Variants in PCID2 observed in about 807,000 individuals in gnomAD.
PCID2 encodes PCI domain containing 2.
PCID2 carries 41 observed loss-of-function variants against 61.3 expected under a neutral mutation model. The observed-to-expected ratio is 0.67, with a 90% CI of 0.52 to 0.87. The LOEUF is 0.87. PCID2 is among the 40% of genes least tolerant of loss of function. PCID2 has a pLI of 0.00. For synonymous variants in PCID2, 187 were observed against 177.8 expected (o/e 1.05, Z -0.41); for missense variants, 392 against 493.4 (o/e 0.79, Z 1.95).
At chr13:113,169,670 C>A in the PCID2 span, among the ~76,000 whole-genome samples, 1 of 152,212 alleles carries the variant, frequency 6.6e-6, no homozygotes, top group African/African-American at 2.4e-5. Context: ...TGAAGTGAAA[C>A]CCTTCTATGC....
At position 113,190,934 on chromosome 13, in the gene PCID2, C is replaced by A. The variant is rs61743295; in HGVS notation, c.405G>T (p.Gly135=). The A allele has an allele frequency of 1.4e-3, 2,200 of 1,613,538 alleles. 30 individuals carry two copies. The African/African-American group carries it at 0.024, about 18-fold the overall frequency. The change falls in exon 7 of 14, where the codon GGG becomes GGT. Residue 135 remains glycine (G), a synonymous_variant. Coordinates refer to ENST00000337344, the MANE Select transcript of PCID2 (RefSeq NM_001127202.4). ...QLVKKGKSKV[G]DMLEKAAELL... ...ACTCTGCTGCTTTTTCCAACATGTC[C>A]CCAACTTTGCTTTTTCCTTTCTTTA...
chr13:113,200,310 T>G lies in PCID2; in HGVS notation c.126+117A>C, dbSNP rs141751233. On this transcript the variant is annotated intron_variant, in intron 2 of 13. Coordinates refer to ENST00000337344, the MANE Select transcript of PCID2 (RefSeq NM_001127202.4). Reference sequence around the variant, plus strand: ...ATAAATCATAAAGAAACTTTAAAATTTTCAAATAAGAGTGACAATATTAGT... The same window carrying G: ...ATAAATCATAAAGAAACTTTAAAATGTTCAAATAAGAGTGACAATATTAGT... 91 of 669,448 alleles carry G rather than the reference T, an allele frequency of 1.4e-4. No individual in the cohort carries two copies. The East Asian group carries it at 2.4e-3, about 18-fold the overall frequency. The allele number at this position is 669,448 out of a possible 1,614,324, so 41.5% of individuals were successfully genotyped here.
chr13:113,196,350 T>C (rs1411838004), intron 4 of PCID2, 128 bp from the exon 5 acceptor site: 9 of 664,492 alleles, frequency 1.4e-5, no homozygotes, highest in Middle Eastern at 3.7e-4. Context: ...GCAACAATAG[T>C]AAGTTCTTGA....
chr13:113,182,841 G>A (rs988027521), intron 9 of PCID2, among the ~76,000 whole-genome samples: 8 of 152,170 alleles, frequency 5.3e-5, no homozygotes, highest in African/African-American at 1.9e-4. Flanking sequence ...TGCTGTCTTT[G>A]AGGGAACCTA....
At position 113,177,806 on chromosome 13, in the gene PCID2, T is replaced by C. The variant is rs2037244400; in HGVS notation, c.*392A>G. On this transcript the variant is annotated 3_prime_UTR_variant, in exon 14 of 14. Coordinates refer to ENST00000337344, the MANE Select transcript of PCID2 (RefSeq NM_001127202.4). ...AAAAATAGATGTATCCTGGAAGATA[T>C]AATGAAGAACATGCCATGTGTATAA... is the stretch of plus-strand genomic sequence containing the variant. 6.4e-6 allele frequency: 1 copy of C among 156,668 alleles called. No individual in the cohort carries two copies. Among genetic ancestry groups the C allele is most frequent in the African/African-American group, 2.4e-5 (1 of 41,506 alleles). 9.7% of individuals were successfully genotyped at this position (156,668 alleles called of 1,614,324 possible).
At chr13:113,188,636 T>G (rs2038336118) in intron 7 of PCID2, 1 of 152,210 alleles carries the variant, frequency 6.6e-6, no homozygotes, top group Non-Finnish European at 1.5e-5. Flanking sequence ...CTCCCAGAAG[T>G]TCACCGTCCA....
chr13:113,171,610 C>A, the PCID2 span: 1 of 1,614,032 alleles, frequency 6.2e-7, no homozygotes, highest in African/African-American at 1.3e-5. The surrounding 1 kb of genome is among the most constrained non-coding windows in gnomAD (Gnocchi z 5.1). Flanking sequence ...ACAGAACGAG[C>A]CAAGACCCGC....
chr13:113,198,344 C>T, intron 2 of PCID2, 80 bp from the exon 3 acceptor site: 1 of 841,880 alleles, frequency 1.2e-6, no homozygotes, highest in South Asian at 1.6e-5. Context: ...AGATTTAAAC[C>T]TCTGTTTCAA....
At chr13:113,176,005 G>C (rs1390344476), downstream of PCID2, among the ~76,000 whole-genome samples, 1 of 152,230 alleles carries the variant, frequency 6.6e-6, no homozygotes, top group Non-Finnish European at 1.5e-5. Flanking sequence ...CCCCAGAAGA[G>C]CCCACAAGCT....
At chr13:113,180,287 G>T in intron 10 of PCID2, 56 bp from the exon 11 acceptor site, 1 of 1,321,406 alleles carries the variant, frequency 7.6e-7, no homozygotes, top group South Asian at 1.2e-5. Flanking sequence ...AATTGTCCTT[G>T]ATAAATATTC....
intron 10 of PCID2, 116 bp downstream of exon 10, chr13:113,181,014 T>A: frequency 1.4e-6 from 1 of 705,468 alleles, no homozygotes; most frequent in Non-Finnish European, 2.5e-6. Context: ...GGTGTGCTCA[T>A]ACACAGCTCA....
intron 6 of PCID2, among the ~76,000 whole-genome samples, chr13:113,192,375 C>T (rs1053392123): frequency 2.6e-5 from 4 of 152,226 alleles, no homozygotes; most frequent in African/African-American, 9.6e-5. Flanking sequence ...ACTTCTGTTG[C>T]ACACGGGTGT....
chr13:113,185,259 C>T (rs1465003795), intron 8 of PCID2, among the ~76,000 whole-genome samples: 1 of 152,344 alleles, frequency 6.6e-6, no homozygotes, highest in South Asian at 2.1e-4. Flanking sequence ...GCTGGGAGCG[C>T]TAACCTCAGA....
intron 5 of PCID2, among the ~76,000 whole-genome samples, chr13:113,195,855 TTTATC>T (rs1314557499): frequency 6.6e-6 from 1 of 152,162 alleles, no homozygotes; most frequent in Non-Finnish European, 1.5e-5. Context: ...GTCTACCTCT[TTTATC>T]TAAGGTTTAA....
chr13:113,172,039 G>A, the PCID2 span: 11 of 1,613,084 alleles, frequency 6.8e-6, no homozygotes, highest in Non-Finnish European at 7.6e-6. Context: ...TAGGAGGGCA[G>A]GCTCACATGG....
chr13:113,166,962 G>A, the PCID2 span, among the ~76,000 whole-genome samples: 5 of 152,334 alleles, frequency 3.3e-5, no homozygotes, highest in South Asian at 1.0e-3. Context: ...CACAGCTGGT[G>A]TGTTTAAGAC....
Position 113,179,413 on chromosome 13 carries a change from C to T in PCID2, c.987-324G>A, listed in dbSNP as rs74862036. 5.9e-3 allele frequency among the ~76,000 whole-genome samples: 899 copies of T among 152,162 alleles called. 7 individuals are homozygous for T. The highest frequency in any genetic ancestry group is 0.021 in the African/African-American group (863 of 41,508). Reference sequence around the variant, plus strand: ...CTCACAGACTCAGCGAAATAGGGTCCCTACTGTTTGTGACGTGCTACCCAC... The same window carrying T: ...CTCACAGACTCAGCGAAATAGGGTCTCTACTGTTTGTGACGTGCTACCCAC... On this transcript the variant is annotated intron_variant, in intron 12 of 13. Coordinates refer to ENST00000337344, the MANE Select transcript of PCID2 (RefSeq NM_001127202.4). This position sits in a 1 kb window ranked among gnomAD's most constrained non-coding sequence, Gnocchi z 4.3.
the PCID2 span, among the ~76,000 whole-genome samples, chr13:113,170,066 T>C: frequency 2.6e-5 from 4 of 152,202 alleles, no homozygotes; most frequent in Non-Finnish European, 4.4e-5. Context: ...GCTGAGACCG[T>C]TGTTTCTTGG....
At position 113,206,044 on chromosome 13, in the gene PCID2, C is replaced by T. The variant is rs138786590; in HGVS notation, c.36+2555G>A. On this transcript the variant is annotated intron_variant, in intron 1 of 13. Coordinates refer to ENST00000337344, the MANE Select transcript of PCID2 (RefSeq NM_001127202.4). ...GCCAAGTTAACAGGTAAACATGGAC[C>T]AGATGATGTGCTAAAGCATTTGGAA... 1.1e-4 allele frequency among the ~76,000 whole-genome samples: 17 copies of T among 152,224 alleles called. No homozygotes were observed. In the East Asian group the frequency reaches 3.3e-3, roughly 29 times the overall value.
Sources: allele counts gnomAD v4.1 joint callset (sites outside exome capture counted in the v4.1 genomes callset), GRCh38; gene constraint gnomAD v4.1.1; non-coding constraint Gnocchi (gnomAD v3.1); transcripts MANE v1.5; gene names NCBI Gene and HGNC (gene_info 2026-07-23, HGNC 2026-07-21).